The following CUBN variants were observed in gnomAD, a reference collection of about 807,000 sequenced individuals.
CUBN encodes 460 kDa receptor.
Under a neutral mutation model 405.3 loss-of-function variants are expected in CUBN, and 282 were observed. The observed-to-expected ratio is 0.70, with a 90% CI of 0.63 to 0.77. The LOEUF (loss-of-function observed/expected upper bound fraction) is 0.77, where lower values mean the gene tolerates loss of function less well. Among genes scored for constraint, CUBN ranks in the 30% least tolerant of loss-of-function variants. The pLI, the probability that CUBN is intolerant of heterozygous loss-of-function variation, is 0.00. For synonymous variants in CUBN, 1,684 were observed against 1,617.0 expected (o/e 1.04, Z -0.99); for missense variants, 4,514 against 4,475.2 (o/e 1.01, Z -0.25).
chr10:16,926,674 A>G lies in CUBN; in HGVS notation c.6272-900T>C, dbSNP rs75595426. Among the ~76,000 whole-genome samples the G allele has an allele frequency of 7.9e-4, 121 of 152,300 alleles. 3 individuals carry two copies. The East Asian group carries it at 0.023, about 28-fold the overall frequency. ...GACAAACAGAAAAGTCAAAAATAAC[A>G]TCAAGATTTTGACTTAAATAATGAG... On this transcript the variant is annotated intron_variant, in intron 41 of 66. Coordinates refer to ENST00000377833, the MANE Select transcript of CUBN (RefSeq NM_001081.4).
chr10:16,877,197 G>T, intron 56 of CUBN, 100 bp from the exon 57 acceptor site: 1 of 992,494 alleles, frequency 1.0e-6, no homozygotes, highest in Non-Finnish European at 1.6e-6. Flanking sequence ...TCATGCAATT[G>T]CTATAAAAAT....
At chr10:17,126,672 T>C (rs1837198806) in intron 4 of CUBN, 89 bp downstream of exon 4, 1 of 1,386,738 alleles carries the variant, frequency 7.2e-7, no homozygotes, top group Admixed American at 1.7e-5. Context: ...TAATCATCCA[T>C]TCACCTTCAA....
chr10:16,914,719 A>G (rs1229140597), intron 47 of CUBN, among the ~76,000 whole-genome samples: 2 of 152,020 alleles, frequency 1.3e-5, no homozygotes, highest in Non-Finnish European at 2.9e-5. Context: ...TTTCTGAACA[A>G]GATCTTTATT....
At chr10:16,928,381 C>A (rs113933500) in intron 40 of CUBN, 78 bp from the exon 41 acceptor site, 14 of 1,501,986 alleles carry the variant, frequency 9.3e-6, no homozygotes, top group African/African-American at 4.1e-5. Flanking sequence ...TTAGCCAAAG[C>A]AGCTCACACA....
At chr10:16,888,655 T>A in intron 55 of CUBN, 89 bp from the exon 56 acceptor site, 1 of 1,093,922 alleles carries the variant, frequency 9.1e-7, no homozygotes, top group South Asian at 1.3e-5. Flanking sequence ...TCCTAAATTA[T>A]CTATAGACAT....
At chr10:17,022,801 A>G (rs372621587) in intron 27 of CUBN, among the ~76,000 whole-genome samples, 1 of 152,088 alleles carries the variant, frequency 6.6e-6, no homozygotes, top group African/African-American at 2.4e-5. Context: ...ACCATCTTTC[A>G]CTCCCCAAAT....
intron 17 of CUBN, among the ~76,000 whole-genome samples, chr10:17,075,413 T>C (rs1241196310): frequency 6.6e-6 from 1 of 151,992 alleles, no homozygotes; most frequent in Non-Finnish European, 1.5e-5. Context: ...AAGGATGATA[T>C]TCAAAGTTGG....
At chr10:17,113,341 C>T (rs1836812476) in intron 8 of CUBN, among the ~76,000 whole-genome samples, 1 of 152,066 alleles carries the variant, frequency 6.6e-6, no homozygotes, top group Non-Finnish European at 1.5e-5. Flanking sequence ...CTAAGAACAT[C>T]CCTGGAGCGC....
intron 22 of CUBN, among the ~76,000 whole-genome samples, chr10:17,062,430 A>C (rs1360509704): frequency 2.0e-5 from 3 of 152,244 alleles, no homozygotes; most frequent in Non-Finnish European, 4.4e-5. Flanking sequence ...AGTCAATTAT[A>C]GTCTCTCAGG....
chr10:17,041,362 A>G (rs990981305), intron 26 of CUBN, 142 bp from the exon 27 acceptor site: 22 of 670,462 alleles, frequency 3.3e-5, no homozygotes, highest in African/African-American at 5.4e-5. Context: ...ATGTGTGTGT[A>G]TATATACACA....
intron 65 of CUBN, among the ~76,000 whole-genome samples, chr10:16,829,342 G>GAGAAAA (rs757196904): frequency 8.3e-6 from 1 of 121,154 alleles, no homozygotes; most frequent in African/African-American, 3.1e-5. Context: ...GAGCAGAATG[G>GAGAAAA]AAAAAAAAAA....
chr10:16,900,493 T>C, intron 53 of CUBN, 132 bp downstream of exon 53: 2 of 749,122 alleles, frequency 2.7e-6, no homozygotes, highest in Non-Finnish European at 4.7e-6. Flanking sequence ...CCCACCAGGG[T>C]TGCTGCATGA....
chr10:17,078,695 C>T (rs945896722), intron 17 of CUBN, among the ~76,000 whole-genome samples: 1 of 152,142 alleles, frequency 6.6e-6, no homozygotes, highest in African/African-American at 2.4e-5. Flanking sequence ...TCTACTAGTA[C>T]TACTAGTACT....
At chr10:16,896,544 T>G (rs1478345880) in intron 54 of CUBN, among the ~76,000 whole-genome samples, 3 of 152,212 alleles carry the variant, frequency 2.0e-5, no homozygotes, top group Non-Finnish European at 4.4e-5. Flanking sequence ...CTAACTGGTC[T>G]TCCTCTCTAG....
chr10:17,125,366 C>T (rs1476647272), intron 4 of CUBN, among the ~76,000 whole-genome samples: 7 of 152,118 alleles, frequency 4.6e-5, no homozygotes, highest in Non-Finnish European at 8.8e-5. Flanking sequence ...TGACTCAATA[C>T]CATTTTCTGC....
rs1801225 is a variant in CUBN at position 17,071,564 on chromosome 10, C to T, written c.2487G>A (p.Ser829=). 0.44 allele frequency: 702,570 copies of T among 1,612,952 alleles called. 158,344 individuals are homozygous for T. The highest frequency in any genetic ancestry group is 0.53 in the East Asian group (23,580 of 44,836). Residue 829 remains serine, a synonymous_variant, in exon 19 of 67, where the codon TCG becomes TCA. Coordinates refer to ENST00000377833, the MANE Select transcript of CUBN (RefSeq NM_001081.4). ...DELTGEGVIR[S]PFFPNVYPGE... is the part of the protein sequence containing the mutation. ...CAGGATACACGTTAGGAAAAAAAGG[C>T]GAGCGAATGACCCCTTCTCCAGTTA...
intron 6 of CUBN, among the ~76,000 whole-genome samples, chr10:17,118,369 G>A (rs12247751): frequency 1.9e-3 from 295 of 152,302 alleles, no homozygotes; most frequent in African/African-American, 6.9e-3. Context: ...CATTGTTCCT[G>A]CATGTTATAT....
intron 60 of CUBN, among the ~76,000 whole-genome samples, chr10:16,842,182 C>T (rs1839373524): frequency 6.6e-6 from 1 of 151,858 alleles, no homozygotes; most frequent in South Asian, 2.1e-4. Flanking sequence ...GTACCTGGGA[C>T]TACAGGTGCA....
intron 22 of CUBN, among the ~76,000 whole-genome samples, chr10:17,053,915 T>C (rs1211597547): frequency 6.6e-6 from 1 of 152,108 alleles, no homozygotes; most frequent in Non-Finnish European, 1.5e-5. Context: ...ATAAGACATC[T>C]AGAAAACCTG....
Sources: gnomAD v4.1 joint callset for allele counts (sites outside exome capture counted in the v4.1 genomes callset) on GRCh38, gnomAD v4.1.1 for gene constraint, MANE v1.5 for transcripts, NCBI Gene and HGNC (gene_info 2026-07-23, HGNC 2026-07-21) for gene names.